Variants in SLC18A2 observed in about 807,000 individuals in gnomAD.
SLC18A2 encodes the protein solute carrier family 18 member A2, also known as synaptic vesicular amine transporter.
SLC18A2 carries 33 observed loss-of-function variants against 59.2 expected under a neutral mutation model. The observed-to-expected ratio is 0.56, with a 90% confidence interval of 0.42 to 0.75. The LOEUF (loss-of-function observed/expected upper bound fraction) is 0.75. Ranked by LOEUF, SLC18A2 falls within the 30% of genes least tolerant of loss-of-function variation. SLC18A2 has a pLI of 0.00. For synonymous variants in SLC18A2, 228 were observed against 253.5 expected (o/e 0.90, Z 0.95); for missense variants, 569 against 668.6 (o/e 0.85, Z 1.64).
chr10:117,261,266 C>T (rs192058219), intron 10 of SLC18A2, among the ~76,000 whole-genome samples: 56 of 151,970 alleles, frequency 3.7e-4, no homozygotes, highest in African/African-American at 1.2e-3. Context: ...GGAGTAGTAG[C>T]GCACACCTGA....
intron 9 of SLC18A2, 37 bp downstream of exon 9, chr10:117,255,694 G>A (rs1589980561): frequency 1.9e-6 from 3 of 1,598,536 alleles, no homozygotes; most frequent in East Asian, 2.2e-5. Flanking sequence ...AGGGGAATGC[G>A]AGGTGATGGC....
In SLC18A2 at chr10:117,243,912, T is replaced by A; in HGVS notation, c.122-59T>A. ...ACACAACCATAGTTTTTTGCTGGCT[T>A]TTTTCCTGGAGAGGGTTTCAGTGTG... On this transcript the variant is annotated intron_variant, in intron 2 of 15. Coordinates refer to ENST00000644641, the MANE Select transcript of SLC18A2 (RefSeq NM_003054.6). 2.8e-6 allele frequency: 4 copies of A among 1,432,230 alleles called. No individual in the cohort carries two copies. The South Asian group carries it at 5.4e-5, about 19-fold the overall frequency. 88.7% of individuals were successfully genotyped at this position (1,432,230 alleles called of 1,614,324 possible).
chr10:117,246,708 A>G (rs901958398), intron 3 of SLC18A2, among the ~76,000 whole-genome samples: 1 of 152,016 alleles, frequency 6.6e-6, no homozygotes, highest in African/African-American at 2.4e-5. Context: ...GCTGGAGTGC[A>G]GCAGTGTGAT....
intron 3 of SLC18A2, among the ~76,000 whole-genome samples, chr10:117,244,887 C>T (rs1844095365): frequency 6.6e-6 from 1 of 152,254 alleles, no homozygotes; most frequent in Non-Finnish European, 1.5e-5. Context: ...GGCTACGTAG[C>T]CACGTCCACG....
In SLC18A2 at chr10:117,267,122, G is replaced by A. The variant is rs575369718; in HGVS notation, c.1122+87G>A. The A allele has an allele frequency of 7.5e-5, 74 of 985,904 alleles. 1 individual carries two copies. In the South Asian group the frequency reaches 1.0e-3, roughly 14 times the overall value. 61.1% of individuals were successfully genotyped at this position (985,904 alleles called of 1,614,324 possible). A position where few individuals can be genotyped will look rare whatever the true frequency, so the allele number is the denominator to read the frequency against. On this transcript the variant is annotated intron_variant, in intron 12 of 15. Transcript: ENST00000644641. ...CAAGAATCACCAAGAAACATTTTAC[G>A]TTTGAGTTTGTTGATGTTTTATTAC...
chr10:117,243,925 G>A (rs1050013984), intron 2 of SLC18A2, 46 bp from the exon 3 acceptor site: 3 of 1,487,040 alleles, frequency 2.0e-6, no homozygotes, highest in African/African-American at 1.4e-5. Context: ...TTCCTGGAGA[G>A]GGTTTCAGTG....
intron 9 of SLC18A2, among the ~76,000 whole-genome samples, chr10:117,256,007 T>C (rs1844225683): frequency 6.6e-6 from 1 of 152,122 alleles, no homozygotes; most frequent in Non-Finnish European, 1.5e-5. Flanking sequence ...CCTTGAACTT[T>C]CCGGAAGGAG....
At chr10:117,264,469 C>T (rs540048868) in intron 10 of SLC18A2, among the ~76,000 whole-genome samples, 2 of 152,308 alleles carry the variant, frequency 1.3e-5, no homozygotes, top group Admixed American at 1.3e-4. Context: ...GAGCCACTGA[C>T]ATTCTGCCTC....
chr10:117,244,403 G>A, intron 3 of SLC18A2, 90 bp downstream of exon 3: 3 of 1,223,810 alleles, frequency 2.5e-6, no homozygotes, highest in Non-Finnish European at 3.4e-6. Flanking sequence ...ACTCATTGGT[G>A]AGAGTCTGGA....
At chr10:117,245,215 C>A (rs531509011) in intron 3 of SLC18A2, among the ~76,000 whole-genome samples, 1 of 152,206 alleles carries the variant, frequency 6.6e-6, no homozygotes, top group East Asian at 1.9e-4. Flanking sequence ...AGTGTAGCTA[C>A]CTAGGTGAAA....
At position 117,270,468 on chromosome 10, in the gene SLC18A2, G is replaced by T; in HGVS notation, c.1440+5G>T. The T allele has an allele frequency of 6.2e-7, 1 of 1,613,140 alleles. No homozygotes were observed. On this transcript the variant is annotated splice_donor_5th_base_variant and intron_variant, in intron 15 of 15. Transcript: ENST00000644641. ...CCTGCCAAAGAAGAAAAAATGGTAAGAAAAATTTAGGATGCAGTGAGCATT... is the reference window on the plus strand; with the variant it reads ...CCTGCCAAAGAAGAAAAAATGGTAATAAAAATTTAGGATGCAGTGAGCATT...
chr10:117,241,357 C>A (rs1318579885), intron 1 of SLC18A2, 137 bp downstream of exon 1: 1 of 215,638 alleles, frequency 4.6e-6, no homozygotes, highest in Non-Finnish European at 9.2e-6. Flanking sequence ...GGGCGCAGGG[C>A]GCAGGGCGCA....
intron 15 of SLC18A2, among the ~76,000 whole-genome samples, chr10:117,272,582 T>C (rs1448624359): frequency 6.6e-6 from 1 of 152,194 alleles, no homozygotes; most frequent in Admixed American, 6.5e-5. Flanking sequence ...AAAAAAATGC[T>C]GAAGGAAGTG....
chr10:117,274,930 TTAGA>T (rs951016658), intron 15 of SLC18A2, among the ~76,000 whole-genome samples: 3 of 152,168 alleles, frequency 2.0e-5, no homozygotes, highest in Non-Finnish European at 2.9e-5. Flanking sequence ...TGCTGTAGTC[TTAGA>T]TAATGCCATG....
chr10:117,241,630 T>TG lies in SLC18A2; in HGVS notation c.-15-43dup, dbSNP rs35772469. ...TTCCGCGGCCTGGGGGACGGGAGAA[T>TG]GGGGGGTCCACGGCCGCCTTGGGTC... is the stretch of plus-strand genomic sequence containing the variant. On this transcript the variant is annotated intron_variant, in intron 1 of 15. Coordinates refer to ENST00000644641, the MANE Select transcript of SLC18A2 (RefSeq NM_003054.6). 1.1e-4 allele frequency: 159 copies of TG among 1,492,734 alleles called. 1 individual carries two copies. Among genetic ancestry groups the TG allele is most frequent in the Non-Finnish European group, 1.4e-4 (153 of 1,126,036 alleles). The allele number at this position is 1,492,734 out of a possible 1,614,324, so 92.5% of individuals were successfully genotyped here. A position where few individuals can be genotyped will look rare whatever the true frequency, so the allele number is the denominator to read the frequency against.
chr10:117,255,387 G>C lies in SLC18A2; in HGVS notation c.790+21G>C, dbSNP rs374318605. The C allele has an allele frequency of 1.9e-6, 3 of 1,613,894 alleles. No individual in the cohort carries two copies. In the South Asian group the frequency reaches 3.3e-5, roughly 18 times the overall value. On this transcript the variant is annotated intron_variant, in intron 7 of 15. Coordinates refer to ENST00000644641, the MANE Select transcript of SLC18A2 (RefSeq NM_003054.6). ...TGGAGGTGAGTGAGTCCACGTGGGC[G>C]CCATGCCATGACCTTGGCATCGTGC...
intron 3 of SLC18A2, among the ~76,000 whole-genome samples, chr10:117,249,657 A>G (rs363401): frequency 6.6e-6 from 1 of 152,176 alleles, no homozygotes; most frequent in Non-Finnish European, 1.5e-5. Context: ...ATGAGAAGAG[A>G]GCTTCCATTA....
At chr10:117,251,802 A>G (rs963724720) in intron 3 of SLC18A2, among the ~76,000 whole-genome samples, 13 of 152,206 alleles carry the variant, frequency 8.5e-5, no homozygotes, top group African/African-American at 3.1e-4. Context: ...GTCTGATGAC[A>G]TCTGATAAGT....
chr10:117,254,282 A>G, intron 5 of SLC18A2, 123 bp from the exon 6 acceptor site: 3 of 1,166,872 alleles, frequency 2.6e-6, no homozygotes, highest in Non-Finnish European at 3.7e-6. Context: ...TTGGTCTTAC[A>G]TTTTAGTGAA....
Sources: gnomAD v4.1 joint callset for allele counts (sites outside exome capture counted in the v4.1 genomes callset) on GRCh38, gnomAD v4.1.1 for gene constraint, MANE v1.5 for transcripts, NCBI Gene and HGNC (gene_info 2026-07-23, HGNC 2026-07-21) for gene names.